The following CALB2 variants were observed in gnomAD, a reference collection of about 807,000 sequenced individuals.
CALB2 encodes calretinin.
A neutral mutation model predicts 45.9 loss-of-function variants in CALB2; 34 were observed. The observed-to-expected ratio is 0.74, with a 90% confidence interval of 0.56 to 0.99. The LOEUF (loss-of-function observed/expected upper bound fraction) is 0.99. CALB2 is among the 50% of genes least tolerant of loss of function. CALB2 has a pLI of 0.00. For synonymous variants in CALB2, 142 were observed against 129.6 expected (o/e 1.10, Z -0.65); for missense variants, 344 against 339.3 (o/e 1.01, Z -0.11).
intron 1 of CALB2, among the ~76,000 whole-genome samples, chr16:71,369,997 G>T (rs1315396911): frequency 6.6e-6 from 1 of 152,128 alleles, no homozygotes; most frequent in Non-Finnish European, 1.5e-5. Flanking sequence ...ACACTCTTCT[G>T]AAATTCCAGT....
At chr16:71,377,527 G>A (rs946691480) in intron 3 of CALB2, 140 bp from the exon 4 acceptor site, 33 of 633,016 alleles carry the variant, frequency 5.2e-5, no homozygotes, top group East Asian at 3.0e-4. Context: ...GCCAGCACCC[G>A]TTCTCAAGGA....
intron 1 of CALB2, among the ~76,000 whole-genome samples, chr16:71,363,020 C>T (rs1318396064): frequency 1.3e-5 from 2 of 151,558 alleles, no homozygotes; most frequent in African/African-American, 2.4e-5. Context: ...CCTCCCCCTA[C>T]TACAAATTTA....
intron 10 of CALB2, among the ~76,000 whole-genome samples, chr16:71,387,038 T>C (rs1272570663): frequency 6.6e-6 from 1 of 152,202 alleles, no homozygotes; most frequent in Non-Finnish European, 1.5e-5. Flanking sequence ...ATCCAAGGAA[T>C]GTTGGGCACC....
At chr16:71,373,980 T>A (rs1051608947) in intron 2 of CALB2, among the ~76,000 whole-genome samples, 2 of 152,194 alleles carry the variant, frequency 1.3e-5, no homozygotes, top group African/African-American at 4.8e-5. Context: ...CATGTGGAAG[T>A]CATCAGCTGA....
chr16:71,374,174 G>C (rs1316457512), intron 2 of CALB2, among the ~76,000 whole-genome samples: 1 of 152,236 alleles, frequency 6.6e-6, no homozygotes, highest in Non-Finnish European at 1.5e-5. Flanking sequence ...TTGCTTTCTA[G>C]TAGTCAGAAT....
rs1226237099 is a variant in CALB2 at position 71,377,653 on chromosome 16, CTG to C, written c.262-12_262-11del. On this transcript the variant is annotated splice_polypyrimidine_tract_variant and intron_variant, in intron 3 of 10. Transcript: ENST00000302628. ...CCCTCCATAACGTTAGTGTCGCTCT[CTG>C]TATCTTCACAGCTGGCGCAGATCCT... 45 of 1,605,066 alleles carry C rather than the reference CTG, an allele frequency of 2.8e-5. No individual in the cohort carries two copies. The highest frequency in any genetic ancestry group is 3.8e-5 in the Non-Finnish European group (45 of 1,172,200).
intron 3 of CALB2, among the ~76,000 whole-genome samples, chr16:71,376,589 C>T (rs924649602): frequency 6.6e-6 from 1 of 152,064 alleles, no homozygotes; most frequent in Non-Finnish European, 1.5e-5. Context: ...CCACATACAT[C>T]CACATCCAAT....
intron 1 of CALB2, among the ~76,000 whole-genome samples, chr16:71,365,977 C>A (rs1181867498): frequency 6.8e-6 from 1 of 146,984 alleles, no homozygotes; most frequent in Non-Finnish European, 1.5e-5. Flanking sequence ...CAACTGAGAA[C>A]CAGTATTCTT....
intron 9 of CALB2, 73 bp from the exon 10 acceptor site, chr16:71,385,504 C>T (rs2042559959): frequency 7.6e-7 from 1 of 1,323,768 alleles, no homozygotes; most frequent in Non-Finnish European, 1.1e-6. Context: ...GACTCTTAGA[C>T]ATCCCTGGAA....
At chr16:71,364,335 C>T (rs965288057) in intron 1 of CALB2, among the ~76,000 whole-genome samples, 2 of 152,186 alleles carry the variant, frequency 1.3e-5, no homozygotes, top group African/African-American at 4.8e-5. Context: ...GTATATTCCC[C>T]TCCAGACTTC....
intron 10 of CALB2, 48 bp downstream of exon 10, chr16:71,385,696 G>A (rs745925534): frequency 2.0e-6 from 3 of 1,510,600 alleles, no homozygotes; most frequent in Non-Finnish European, 2.8e-6. Flanking sequence ...GGGCACAGGA[G>A]AGGCTTCTGC....
intron 2 of CALB2, 116 bp downstream of exon 2, chr16:71,372,345 C>T: frequency 4.4e-6 from 3 of 683,126 alleles, no homozygotes; most frequent in Middle Eastern, 3.8e-4. Flanking sequence ...CTTGACACAG[C>T]ATTTTATTTG....
chr16:71,378,047 A>T (rs1209841622), intron 4 of CALB2, among the ~76,000 whole-genome samples: 1 of 152,044 alleles, frequency 6.6e-6, no homozygotes, highest in Non-Finnish European at 1.5e-5. Flanking sequence ...ACATGGCAAA[A>T]CCCCATCTCT....
At chr16:71,359,042 A>T (rs1341969148) in intron 1 of CALB2, among the ~76,000 whole-genome samples, 156 bp downstream of exon 1, 5 of 152,090 alleles carry the variant, frequency 3.3e-5, no homozygotes, top group Admixed American at 3.3e-4. Context: ...GGTTTGGGAG[A>T]CATCCGGCTG....
chr16:71,367,323 C>T (rs2042298750), intron 1 of CALB2, among the ~76,000 whole-genome samples: 1 of 152,118 alleles, frequency 6.6e-6, no homozygotes, highest in Non-Finnish European at 1.5e-5. Flanking sequence ...GATGCCCATC[C>T]GCATGAGCCT....
At chr16:71,382,024 AGG>A (rs2042498337) in intron 4 of CALB2, among the ~76,000 whole-genome samples, 3 of 105,574 alleles carry the variant, frequency 2.8e-5, no homozygotes, top group East Asian at 6.6e-4. Context: ...AAAGAGGAGG[AGG>A]AGGAGGAGGA....
At chr16:71,373,308 T>C (rs2042374003) in intron 2 of CALB2, among the ~76,000 whole-genome samples, 1 of 152,094 alleles carries the variant, frequency 6.6e-6, no homozygotes, top group South Asian at 2.1e-4. Context: ...GAGCTCCTGG[T>C]TCAAAGCTTG....
chr16:71,366,935 C>T (rs538667074), intron 1 of CALB2, among the ~76,000 whole-genome samples: 6 of 152,054 alleles, frequency 3.9e-5, no homozygotes, highest in South Asian at 2.1e-4. Context: ...ATAGAGCAGG[C>T]GGTAGAATTA....
At chr16:71,388,704 G>C (rs2042599933) in intron 10 of CALB2, among the ~76,000 whole-genome samples, 4 of 151,984 alleles carry the variant, frequency 2.6e-5, no homozygotes, top group Admixed American at 2.6e-4. Context: ...ATAGGGGCTG[G>C]GTGCAGTGGT....
Sources: allele counts gnomAD v4.1 joint callset (sites outside exome capture counted in the v4.1 genomes callset), GRCh38; gene constraint gnomAD v4.1.1; transcripts MANE v1.5; gene names NCBI Gene and HGNC (gene_info 2026-07-23, HGNC 2026-07-21).